The following SH3PXD2B variants were observed in gnomAD, a reference collection of about 807,000 sequenced individuals.
SH3PXD2B encodes SH3 and PX domains 2B.
Under a neutral mutation model 73.1 loss-of-function variants are expected in SH3PXD2B, and 37 were observed. The ratio of observed to expected loss-of-function variants is 0.51; its 90% CI spans 0.39 to 0.67. The LOEUF is 0.67. SH3PXD2B is among the 30% of genes least tolerant of loss of function. The pLI, the probability that SH3PXD2B is intolerant of heterozygous loss-of-function variation, is 0.00. For synonymous variants in SH3PXD2B, 457 were observed against 480.5 expected, an observed-to-expected ratio of 0.95 and a Z score of 0.64; for missense variants, 1,053 against 1,197.8, an observed-to-expected ratio of 0.88 and a Z score of 1.78.
chr5:172,329,081 A>ATTTTTTTT (rs67185423), downstream of SH3PXD2B, among the ~76,000 whole-genome samples: 35 of 68,204 alleles, frequency 5.1e-4, no homozygotes, highest in East Asian at 1.8e-3. Context: ...ATATATATAT[A>ATTTTTTTT]TATTTTTTTT....
Position 172,333,879 on chromosome 5 carries a change from C to T in SH3PXD2B, c.*4490G>A, listed in dbSNP as rs375807240. ...TCATCACCCCTCTAAGTGAAAGGGG[C>T]GCTAACAATAATTACACGGGCACAA... is the stretch of plus-strand genomic sequence containing the variant. On this transcript the variant is annotated 3_prime_UTR_variant, in exon 13 of 13. Transcript: ENST00000311601. 139 of 1,274,594 alleles carry T rather than the reference C, an allele frequency of 1.1e-4. No individual in the cohort carries two copies. Among genetic ancestry groups the T allele is most frequent in the African/African-American group, 5.0e-4 (32 of 64,638 alleles). The allele number at this position is 1,274,594 out of a possible 1,614,324, so 79.0% of individuals were successfully genotyped here.
intron 4 of SH3PXD2B, among the ~76,000 whole-genome samples, chr5:172,385,106 T>G (rs1265781719): frequency 1.3e-5 from 2 of 151,874 alleles, no homozygotes; most frequent in East Asian, 3.9e-4. Flanking sequence ...AAGCAGTGAG[T>G]GGTCATTCTC....
intron 12 of SH3PXD2B, among the ~76,000 whole-genome samples, chr5:172,327,511 C>T (rs1356635441): frequency 6.6e-6 from 1 of 152,148 alleles, no homozygotes; most frequent in Non-Finnish European, 1.5e-5. Flanking sequence ...GCATATCCTT[C>T]AGGCACGCTC....
At chr5:172,424,291 TG>T (rs1759043961) in intron 1 of SH3PXD2B, among the ~76,000 whole-genome samples, 1 of 152,012 alleles carries the variant, frequency 6.6e-6, no homozygotes, top group Admixed American at 6.5e-5. Context: ...CTCTGAAGCC[TG>T]GAGCCACCAC....
Position 172,339,851 on chromosome 5 carries a change from C to T in SH3PXD2B, c.1254G>A (p.Pro418=), listed in dbSNP as rs115528822. 10 of 1,614,248 alleles carry T rather than the reference C, an allele frequency of 6.2e-6. No individual in the cohort carries two copies. The highest frequency in any genetic ancestry group is 4.4e-5 in the South Asian group (4 of 91,084). ...IQIEDKEGWA[P]ATFIDKYKKT... is the part of the protein sequence containing the mutation. ...TCTTGTACTTGTCAATGAAGGTGGC[C>T]GGGGCCCACCCTTCCTTATCTTCAA... is the stretch of plus-strand genomic sequence containing the variant. The change falls in exon 13 of 13, where the codon CCG becomes CCA. Residue 418 remains proline (P), a synonymous_variant. Transcript: ENST00000311601. This position sits in a 1 kb window ranked among gnomAD's most constrained non-coding sequence, Gnocchi z 6.1.
At position 172,350,571 on chromosome 5, in the gene SH3PXD2B, G is replaced by A. The variant is rs375036916; in HGVS notation, c.804C>T (p.Gly268=). 1 of 1,610,162 alleles carries A rather than the reference G, an allele frequency of 6.2e-7. No individual in the cohort carries two copies. The highest frequency in any genetic ancestry group is 8.5e-7 in the Non-Finnish European group (1 of 1,178,336). The stretch of plus-strand genomic sequence containing the variant: ...TCTTTAGGTAGGAGGCGGGGGCCCA[G>A]CCTTCTTTGCCCTGGTACCTGTGAA... ...WWKIRYQGKE[G]WAPASYLKKN... is the part of the protein sequence containing the mutation. The change falls in exon 10 of 13, where the codon GGC becomes GGT. Residue 268 remains glycine (G), a synonymous_variant. Coordinates refer to ENST00000311601, the MANE Select transcript of SH3PXD2B (RefSeq NM_001017995.3).
At chr5:172,370,246 A>C (rs980791550) in intron 6 of SH3PXD2B, among the ~76,000 whole-genome samples, 11 of 152,216 alleles carry the variant, frequency 7.2e-5, no homozygotes, top group Non-Finnish European at 1.6e-4. Flanking sequence ...AGTTAAGTGA[A>C]GATCCAGTTA....
chr5:172,331,413 G>A (rs538079728), downstream of SH3PXD2B, among the ~76,000 whole-genome samples: 55 of 152,284 alleles, frequency 3.6e-4, no homozygotes, highest in African/African-American at 1.3e-3. Context: ...CAAGCTCCCT[G>A]GTGAATCATT....
chr5:172,374,029 C>T, intron 5 of SH3PXD2B, among the ~76,000 whole-genome samples: 1 of 152,142 alleles, frequency 6.6e-6, no homozygotes. Context: ...CTCTGGTGCC[C>T]TGGGGACCAG....
At chr5:172,423,234 C>T (rs1759013630) in intron 1 of SH3PXD2B, among the ~76,000 whole-genome samples, 1 of 152,178 alleles carries the variant, frequency 6.6e-6, no homozygotes, top group South Asian at 2.1e-4. Context: ...CCCGGACACA[C>T]CAGGTAGACA....
chr5:172,350,913 C>T (rs552369605), intron 9 of SH3PXD2B, among the ~76,000 whole-genome samples: 1 of 152,304 alleles, frequency 6.6e-6, no homozygotes, highest in Non-Finnish European at 1.5e-5. Context: ...AGCTCTGGGG[C>T]CAAAGCCTGG....
Position 172,339,694 on chromosome 5 carries a change from G to C in SH3PXD2B, c.1411C>G (p.Pro471Ala), listed in dbSNP as rs1257006846. 2 of 1,614,244 alleles carry C rather than the reference G, an allele frequency of 1.2e-6. No homozygotes were observed. Among genetic ancestry groups the C allele is most frequent in the South Asian group, 2.2e-5 (2 of 91,088 alleles). The part of the protein sequence containing the change: ...SEATGPSRPL[P>A]DAPHGVMDSG... ...TCCATGACACCATGCGGTGCGTCAG[G>C]CAGGGGCCGGGAGGGGCCCGTGGCT... Residue 471 changes from proline to alanine, a missense_variant, in exon 13 of 13, where the codon CCT becomes GCT. By Grantham distance (27) the Pro-to-Ala change is conservative (BLOSUM62 -1). Coordinates refer to ENST00000311601, the MANE Select transcript of SH3PXD2B (RefSeq NM_001017995.3). The surrounding 1 kb of genome is among the most constrained non-coding windows in gnomAD (Gnocchi z 6.1).
rs1181483885 is a variant in SH3PXD2B, at chr5:172,417,062, T to A, written c.156+5354A>T. ...CCTGGGTCATGCTCCAACTCCTCAG[T>A]GGCCTCTCTGCAGACTGTTTCCTCT... On this transcript the variant is annotated intron_variant, in intron 2 of 12. Transcript: ENST00000311601. 2.0e-5 allele frequency among the ~76,000 whole-genome samples: 3 copies of A among 152,158 alleles called. No individual in the cohort carries two copies. The East Asian group carries it at 5.8e-4, about 29-fold the overall frequency.
intron 12 of SH3PXD2B, among the ~76,000 whole-genome samples, chr5:172,344,588 CAAAAAAAAAAA>C (rs756550290): frequency 2.4e-4 from 6 of 25,232 alleles, no homozygotes; most frequent in Admixed American, 6.6e-4. Context: ...GAGGCTCTGT[CAAAAAAAAAAA>C]AAAAAAAAAA....
chr5:172,440,771 A>G (rs1481156569), intron 1 of SH3PXD2B, among the ~76,000 whole-genome samples: 1 of 152,214 alleles, frequency 6.6e-6, no homozygotes, highest in African/African-American at 2.4e-5. Flanking sequence ...GTCTCAAGAC[A>G]GCAATGGTGG....
chr5:172,386,544 C>T (rs1489965617), intron 4 of SH3PXD2B, among the ~76,000 whole-genome samples: 2 of 151,922 alleles, frequency 1.3e-5, no homozygotes, highest in Admixed American at 1.3e-4. Flanking sequence ...CAGCAGTTAG[C>T]CAGATTTAAA....
chr5:172,329,082 TA>T (rs1390958586), downstream of SH3PXD2B, among the ~76,000 whole-genome samples: 110 of 67,356 alleles, frequency 1.6e-3, no homozygotes, highest in South Asian at 3.5e-3. Flanking sequence ...TATATATATA[TA>T]TTTTTTTTTT....
In SH3PXD2B at chr5:172,422,483, C is replaced by T. The variant is rs774991139; in HGVS notation, c.89G>A (p.Arg30Gln). ...GGTGGAGCCGCTGGACCACGTGACC[C>T]GGATGATGTAGACCTGCGGGAGCAA... ...VPNKHYVYII[R>Q]VTWSSGSTEA... The change falls in exon 2 of 13, where the codon CGG becomes CAG. Residue 30 changes from arginine (R) to glutamine (Q), a missense_variant. Around this residue, in one of 2 missense-constraint regions of SH3PXD2B, gnomAD observed 466 missense variants for 607.1 expected, o/e 0.77. Coordinates refer to ENST00000311601, the MANE Select transcript of SH3PXD2B (RefSeq NM_001017995.3). 92 of 1,611,770 alleles carry T rather than the reference C, an allele frequency of 5.7e-5. No individual in the cohort carries two copies. Among genetic ancestry groups the T allele is most frequent in the South Asian group, 1.5e-4 (14 of 90,540 alleles).
Position 172,338,773 on chromosome 5 carries a change from C to T in SH3PXD2B, c.2332G>A (p.Val778Ile), listed in dbSNP as rs377423936. The change falls in exon 13 of 13, where the codon GTC becomes ATC. Residue 778 changes from valine to isoleucine, a missense_variant. Val to Ile is a conservative substitution (Grantham distance 29, BLOSUM62 3). Around this residue, in one of 2 missense-constraint regions of SH3PXD2B, gnomAD observed 587 missense variants for 590.7 expected, o/e 0.99. Coordinates refer to ENST00000311601, the MANE Select transcript of SH3PXD2B (RefSeq NM_001017995.3). This position sits in a 1 kb window ranked among gnomAD's most constrained non-coding sequence, Gnocchi z 5.1. The stretch of plus-strand genomic sequence containing the variant: ...TGGCCTTCACACTGTGGACCTCTGA[C>T]CTCTGGGAGCGGCCTGGATGACGAA... ...TSSSSRPLPE[V>I]RGPQCEGHES... The T allele has an allele frequency of 2.3e-5, 37 of 1,614,230 alleles. No individual in the cohort carries two copies. The highest frequency in any genetic ancestry group is 2.9e-5 in the Non-Finnish European group (34 of 1,180,048).
Sources: gnomAD v4.1 joint callset for allele counts (sites outside exome capture counted in the v4.1 genomes callset) on GRCh38, gnomAD v4.1.1 for gene constraint, gnomAD v4.1.1 regional missense constraint, Gnocchi (gnomAD v3.1) non-coding constraint, MANE v1.5 for transcripts, NCBI Gene and HGNC (gene_info 2026-07-23, HGNC 2026-07-21) for gene names.